CALN1: variants seen among roughly 807,000 people sequenced by gnomAD.
CALN1 encodes calneuron 1.
CALN1 carries 17 observed loss-of-function variants against 30.6 expected under a neutral mutation model. The observed-to-expected ratio is 0.56, with a 90% CI of 0.38 to 0.83. CALN1 has a LOEUF of 0.83. CALN1 is among the 40% of genes least tolerant of loss of function. The pLI, the probability that CALN1 is intolerant of heterozygous loss-of-function variation, is 0.00. For missense variants in CALN1, 291 were observed against 354.9 expected, an observed-to-expected ratio of 0.82 and a Z score of 1.45; for synonymous variants, 156 against 131.4, an observed-to-expected ratio of 1.19 and a Z score of -1.28.
chr7:71,914,236 A>C (rs977687693), intron 5 of CALN1, among the ~76,000 whole-genome samples: 1 of 152,048 alleles, frequency 6.6e-6, no homozygotes, highest in African/African-American at 2.4e-5. Flanking sequence ...CCCAGTGTGT[A>C]TTGTTCTCCA....
intron 2 of CALN1, among the ~76,000 whole-genome samples, chr7:72,316,218 T>A (rs1216077719): frequency 6.6e-6 from 1 of 152,018 alleles, no homozygotes; most frequent in Non-Finnish European, 1.5e-5. Flanking sequence ...TATTTTTCAT[T>A]AGTGAAATCG....
intron 5 of CALN1, among the ~76,000 whole-genome samples, chr7:71,899,324 G>A (rs1015902024): frequency 5.9e-5 from 9 of 152,068 alleles, no homozygotes; most frequent in Non-Finnish European, 1.2e-4. Flanking sequence ...TGTATTTTTA[G>A]TAGAGATGGA....
At chr7:72,097,734 G>A (rs560721388) in intron 4 of CALN1, among the ~76,000 whole-genome samples, 2 of 151,008 alleles carry the variant, frequency 1.3e-5, no homozygotes, top group South Asian at 4.2e-4. Context: ...TATTTTTTGA[G>A]ACAGAGTCTC....
At chr7:72,021,073 C>T (rs886925032) in intron 5 of CALN1, among the ~76,000 whole-genome samples, 1 of 151,988 alleles carries the variant, frequency 6.6e-6, no homozygotes, top group African/African-American at 2.4e-5. Flanking sequence ...GAGTTTGAGA[C>T]CAGCCTGGGC....
At chr7:72,255,748 T>C (rs1795865854) in intron 3 of CALN1, among the ~76,000 whole-genome samples, 1 of 118,188 alleles carries the variant, frequency 8.5e-6, no homozygotes, top group South Asian at 2.9e-4. Flanking sequence ...TTTTTTTTTT[T>C]GAGACAAAGT....
At chr7:71,886,300 T>C (rs886243989) in intron 5 of CALN1, among the ~76,000 whole-genome samples, 1 of 152,248 alleles carries the variant, frequency 6.6e-6, no homozygotes, top group Admixed American at 6.5e-5. Flanking sequence ...CAAGTTGGAA[T>C]AGGCTGGCCT....
chr7:71,907,689 C>A (rs934893549), intron 5 of CALN1, among the ~76,000 whole-genome samples: 1 of 152,204 alleles, frequency 6.6e-6, no homozygotes, highest in African/African-American at 2.4e-5. Context: ...AACCTGTATG[C>A]AGCACTTATT....
chr7:72,120,049 C>T (rs926201344), intron 3 of CALN1, among the ~76,000 whole-genome samples: 1 of 152,116 alleles, frequency 6.6e-6, no homozygotes, highest in Non-Finnish European at 1.5e-5. Context: ...AAGAATGACG[C>T]TGTCACCCAG....
intron 5 of CALN1, among the ~76,000 whole-genome samples, chr7:71,945,745 C>G (rs1253548788): frequency 6.6e-6 from 1 of 152,192 alleles, no homozygotes; most frequent in Non-Finnish European, 1.5e-5. Flanking sequence ...AGGGCTTCCA[C>G]TGATTCTACA....
chr7:71,879,353 C>G (rs1792434577), intron 5 of CALN1, among the ~76,000 whole-genome samples: 1 of 152,104 alleles, frequency 6.6e-6, no homozygotes, highest in African/African-American at 2.4e-5. Flanking sequence ...TGGTCTGGCA[C>G]CTAGAAGATA....
intron 2 of CALN1, among the ~76,000 whole-genome samples, chr7:72,357,916 T>C (rs1803335646): frequency 6.6e-6 from 1 of 150,558 alleles, no homozygotes. Flanking sequence ...GGGATTCTCT[T>C]GCATCAGCCT....
At chr7:72,181,416 A>C (rs76122410) in intron 3 of CALN1, among the ~76,000 whole-genome samples, 1 of 151,716 alleles carries the variant, frequency 6.6e-6, no homozygotes, top group African/African-American at 2.4e-5. Context: ...AGTGGCCTCC[A>C]GTTCTTAGAT....
intron 4 of CALN1, among the ~76,000 whole-genome samples, chr7:72,075,168 C>G (rs1169185800): frequency 6.6e-6 from 1 of 152,166 alleles, no homozygotes; most frequent in Admixed American, 6.5e-5. Flanking sequence ...GGACGGTCAG[C>G]CCTTTGTTCA....
rs1562774291 is a variant in CALN1, at chr7:71,786,410, T to C, written c.*1365A>G. The C allele has an allele frequency of 6.6e-6, 1 of 152,180 alleles. No homozygotes were observed. The highest frequency in any genetic ancestry group is 6.5e-5 in the Admixed American group (1 of 15,280). 9.4% of individuals were successfully genotyped at this position (152,180 alleles called of 1,614,324 possible). On this transcript the variant is annotated 3_prime_UTR_variant, in exon 7 of 7. Transcript: ENST00000395275. The stretch of plus-strand genomic sequence containing the variant: ...TGACTACACAAGCTTGAATTCATAG[T>C]AGTGGCTGACATCTAGGAAAAGTCA...
At chr7:72,280,635 T>C (rs1419618478) in intron 2 of CALN1, among the ~76,000 whole-genome samples, 1 of 152,184 alleles carries the variant, frequency 6.6e-6, no homozygotes, top group Non-Finnish European at 1.5e-5. Context: ...CAATCCTGAT[T>C]TCTTGGGACT....
At chr7:71,986,443 T>C (rs1798677423) in intron 5 of CALN1, among the ~76,000 whole-genome samples, 1 of 152,232 alleles carries the variant, frequency 6.6e-6, no homozygotes, top group South Asian at 2.1e-4. Context: ...TTAGATAAAA[T>C]TATACAAGAT....
At chr7:72,407,910 C>G (rs1162354163) in intron 1 of CALN1, among the ~76,000 whole-genome samples, 1 of 152,034 alleles carries the variant, frequency 6.6e-6, no homozygotes, top group African/African-American at 2.4e-5. Context: ...CACACGGAAC[C>G]GGGGAAGATT....
At chr7:72,400,559 T>C (rs926695922) in intron 2 of CALN1, among the ~76,000 whole-genome samples, 3 of 152,122 alleles carry the variant, frequency 2.0e-5, no homozygotes, top group African/African-American at 7.2e-5. Context: ...GAGGCTACAT[T>C]ACATGAGGCG....
chr7:72,102,447 G>A (rs1368249992), intron 4 of CALN1, among the ~76,000 whole-genome samples: 2 of 151,956 alleles, frequency 1.3e-5, no homozygotes, highest in East Asian at 1.9e-4. Context: ...AGACTCTGTC[G>A]CAAATTTTAA....
Sources: allele counts gnomAD v4.1 joint callset (sites outside exome capture counted in the v4.1 genomes callset), GRCh38; gene constraint gnomAD v4.1.1; transcripts MANE v1.5; gene names NCBI Gene and HGNC (gene_info 2026-07-23, HGNC 2026-07-21).